Variants in LINGO2 observed in about 807,000 individuals in gnomAD.
LINGO2 encodes the protein leucine rich repeat and Ig domain containing 2, also known as leucine-rich repeat and immunoglobulin-like domain-containing nogo receptor-interacting protein 2.
LINGO2 carries 14 observed loss-of-function variants against 30.6 expected under a neutral mutation model. That is an observed-to-expected ratio of 0.46 (90% CI 0.30 to 0.72). The LOEUF is 0.72. Among genes scored for constraint, LINGO2 ranks in the 30% least tolerant of loss-of-function variants. The pLI, the probability that LINGO2 is intolerant of heterozygous loss-of-function variation, is 0.07. For synonymous variants in LINGO2, 317 were observed against 288.5 expected, an observed-to-expected ratio of 1.10 and a Z score of -1.00; for missense variants, 729 against 751.7, an observed-to-expected ratio of 0.97 and a Z score of 0.35.
the LINGO2 span, among the ~76,000 whole-genome samples, chr9:29,195,074 A>G: frequency 7.3e-6 from 1 of 136,538 alleles, no homozygotes; most frequent in African/African-American, 2.8e-5. Context: ...TCTTTTTTCC[A>G]TGTCTACAAC....
Position 28,311,411 on chromosome 9 carries a change from T to C in LINGO2, c.-245-16045A>G, listed in dbSNP as rs544899924. On this transcript the variant is annotated intron_variant, in intron 3 of 5. Transcript: ENST00000379992. ...GACCAAAATTTATTAGGCGGGAATT[T>C]CCTCATCCTAATAAGCCTGGGAGCG... Among the ~76,000 whole-genome samples the C allele has an allele frequency of 1.5e-4, 23 of 152,198 alleles. 1 individual carries two copies. The highest frequency in any genetic ancestry group is 1.4e-3 in the Admixed American group (22 of 15,292).
At chr9:28,077,321 C>T (rs2133201324) in intron 4 of LINGO2, among the ~76,000 whole-genome samples, 1 of 152,182 alleles carries the variant, frequency 6.6e-6, no homozygotes, top group Admixed American at 6.5e-5. Context: ...TGAATTATTT[C>T]CCAGAAAATC....
intron 4 of LINGO2, among the ~76,000 whole-genome samples, chr9:28,178,990 G>A (rs1307441103): frequency 6.6e-6 from 1 of 152,064 alleles, no homozygotes; most frequent in Non-Finnish European, 1.5e-5. Flanking sequence ...CTTGAAGAGA[G>A]ACAAATTGAG....
the LINGO2 span, among the ~76,000 whole-genome samples, chr9:28,751,192 G>A: frequency 2.1e-5 from 3 of 145,460 alleles, no homozygotes; most frequent in Admixed American, 7.4e-5. Flanking sequence ...TCTGGAGGCT[G>A]AGATCAGAGG....
chr9:28,603,079 C>T (rs1825556315), intron 1 of LINGO2, among the ~76,000 whole-genome samples: 1 of 152,018 alleles, frequency 6.6e-6, no homozygotes, highest in African/African-American at 2.4e-5. Context: ...TTCTGGCTTA[C>T]ACTATTGAGC....
chr9:28,774,067 CACA>C, the LINGO2 span, among the ~76,000 whole-genome samples: 4 of 151,712 alleles, frequency 2.6e-5, no homozygotes, highest in Non-Finnish European at 5.9e-5. Context: ...CACACACACA[CACA>C]CACACACACA....
the LINGO2 span, among the ~76,000 whole-genome samples, chr9:29,135,836 A>G: frequency 2.0e-5 from 3 of 152,152 alleles, no homozygotes; most frequent in South Asian, 6.2e-4. Context: ...TGTTAATTTG[A>G]CTACTCTACA....
the LINGO2 span, among the ~76,000 whole-genome samples, chr9:28,892,979 A>C: frequency 6.6e-6 from 1 of 152,090 alleles, no homozygotes; most frequent in Non-Finnish European, 1.5e-5. Context: ...AGCAGATACT[A>C]TAAGAAATGT....
the LINGO2 span, among the ~76,000 whole-genome samples, chr9:28,852,427 C>CAAAAA: frequency 6.6e-6 from 1 of 151,804 alleles, no homozygotes; most frequent in South Asian, 2.1e-4. Context: ...GAAGAGGCAC[C>CAAAAA]AAAATATATT....
chr9:28,137,198 G>GACACACACACACAC (rs3064725), intron 4 of LINGO2, among the ~76,000 whole-genome samples: 5 of 148,210 alleles, frequency 3.4e-5, no homozygotes, highest in South Asian at 4.3e-4. Flanking sequence ...GAAAATCCCT[G>GACACACACACACAC]ACACACACAC....
At chr9:29,107,553 T>C in the LINGO2 span, among the ~76,000 whole-genome samples, 1 of 152,164 alleles carries the variant, frequency 6.6e-6, no homozygotes, top group Non-Finnish European at 1.5e-5. Flanking sequence ...TTTTAAAATT[T>C]TTTTTTCTTC....
intron 1 of LINGO2, among the ~76,000 whole-genome samples, chr9:28,664,213 A>G (rs2136020034): frequency 6.6e-6 from 1 of 152,310 alleles, no homozygotes; most frequent in East Asian, 1.9e-4. Flanking sequence ...AAATTAGGTA[A>G]GACTATGGCT....
chr9:28,799,645 G>A, the LINGO2 span, among the ~76,000 whole-genome samples: 9 of 152,142 alleles, frequency 5.9e-5, no homozygotes, highest in African/African-American at 2.2e-4. Flanking sequence ...TGAGGCCTGA[G>A]TTCCTCGTGG....
the LINGO2 span, among the ~76,000 whole-genome samples, chr9:28,833,681 G>A: frequency 1.3e-5 from 2 of 152,108 alleles, no homozygotes; most frequent in African/African-American, 4.8e-5. Context: ...TTTTTTCGCA[G>A]TTTTCTAGAG....
chr9:28,887,359 A>G, the LINGO2 span, among the ~76,000 whole-genome samples: 4 of 152,038 alleles, frequency 2.6e-5, no homozygotes, highest in African/African-American at 9.7e-5. Flanking sequence ...CCCTGGTCTT[A>G]AAAAAACTGT....
chr9:28,360,930 A>T (rs1367182349), intron 3 of LINGO2, among the ~76,000 whole-genome samples: 1 of 152,204 alleles, frequency 6.6e-6, no homozygotes, highest in East Asian at 1.9e-4. Flanking sequence ...TAAATACAAT[A>T]GTCCCCCCCT....
chr9:29,011,487 TC>T, the LINGO2 span, among the ~76,000 whole-genome samples: 1 of 152,188 alleles, frequency 6.6e-6, no homozygotes, highest in Non-Finnish European at 1.5e-5. Context: ...TGTAGGTCTA[TC>T]CCAAGATTTA....
chr9:29,078,790 G>A, the LINGO2 span, among the ~76,000 whole-genome samples: 1 of 151,914 alleles, frequency 6.6e-6, no homozygotes, highest in African/African-American at 2.4e-5. Context: ...CTGGCAAAGA[G>A]CAATTTGTCC....
At chr9:29,056,399 G>C in the LINGO2 span, among the ~76,000 whole-genome samples, 1 of 151,940 alleles carries the variant, frequency 6.6e-6, no homozygotes, top group Non-Finnish European at 1.5e-5. Context: ...ATCTTCTTTT[G>C]AGAACTGTCT....
Sources: allele counts gnomAD v4.1 joint callset (sites outside exome capture counted in the v4.1 genomes callset), GRCh38; gene constraint gnomAD v4.1.1; transcripts MANE v1.5; gene names NCBI Gene and HGNC (gene_info 2026-07-23, HGNC 2026-07-21).